The following ZNF385D variants were observed in gnomAD, a reference collection of about 807,000 sequenced individuals.
ZNF385D encodes zinc finger protein 385D.
In ZNF385D, 15 loss-of-function variants were observed where a neutral mutation model predicts 35.8. The observed-to-expected ratio is 0.42, with a 90% CI of 0.28 to 0.64. The LOEUF (loss-of-function observed/expected upper bound fraction) is 0.64. Among genes scored for constraint, ZNF385D ranks in the 30% least tolerant of loss-of-function variants. ZNF385D has a pLI of 0.23. For synonymous variants in ZNF385D, 212 were observed against 186.8 expected (o/e 1.13, Z -1.10); for missense variants, 474 against 494.6 (o/e 0.96, Z 0.39).
At chr3:21,644,344 C>T (rs1414581863) in intron 2 of ZNF385D, among the ~76,000 whole-genome samples, 1 of 152,106 alleles carries the variant, frequency 6.6e-6, no homozygotes, top group African/African-American at 2.4e-5. Flanking sequence ...GAGACTCTCC[C>T]CATAGCTCAG....
At chr3:21,608,023 G>GTTTTTTTTTTGGTTTTTTT (rs2064545249) in intron 2 of ZNF385D, among the ~76,000 whole-genome samples, 12 of 120,238 alleles carry the variant, frequency 1.0e-4, no homozygotes, top group East Asian at 2.6e-4. Context: ...TTTTTTTTTT[G>GTTTTTTTTTTGGTTTTTTT]TTTTTTTTTT....
intron 2 of ZNF385D, among the ~76,000 whole-genome samples, chr3:22,234,535 C>T (rs981673350): frequency 2.6e-5 from 4 of 151,880 alleles, no homozygotes; most frequent in Non-Finnish European, 5.9e-5. Context: ...GACTGAAAAG[C>T]ATCCCACCAT....
At chr3:22,096,127 A>AAT (rs1553606904) in intron 3 of ZNF385D, among the ~76,000 whole-genome samples, 5 of 151,750 alleles carry the variant, frequency 3.3e-5, no homozygotes, top group South Asian at 2.1e-4. Context: ...AGGTAAAAAA[A>AAT]ATATATATAC....
intron 3 of ZNF385D, among the ~76,000 whole-genome samples, chr3:21,532,003 G>A: frequency 6.6e-6 from 1 of 152,122 alleles, no homozygotes; most frequent in East Asian, 1.9e-4. Flanking sequence ...AGGTAAATGG[G>A]AAATCTCTGT....
At chr3:22,297,873 G>A (rs1292701117) in intron 2 of ZNF385D, among the ~76,000 whole-genome samples, 2 of 151,970 alleles carry the variant, frequency 1.3e-5, no homozygotes, top group Non-Finnish European at 2.9e-5. Flanking sequence ...AACGTACAAC[G>A]CGTATTTTCA....
At chr3:21,839,251 C>T in intron 3 of ZNF385D, among the ~76,000 whole-genome samples, 1 of 152,066 alleles carries the variant, frequency 6.6e-6, no homozygotes, top group Admixed American at 6.6e-5. Context: ...TTTTTAACAA[C>T]CAGTTAATCA....
chr3:22,071,755 C>A (rs1559346881), intron 3 of ZNF385D, among the ~76,000 whole-genome samples: 1 of 152,060 alleles, frequency 6.6e-6, no homozygotes, highest in Non-Finnish European at 1.5e-5. Context: ...TCTATGGACA[C>A]CAACAAGATT....
chr3:21,872,696 G>C (rs1421040094), intron 3 of ZNF385D, among the ~76,000 whole-genome samples: 1 of 152,076 alleles, frequency 6.6e-6, no homozygotes, highest in Admixed American at 6.6e-5. Flanking sequence ...AAGAAATAGA[G>C]TTTGCTGAGC....
At chr3:22,256,716 G>A (rs140310441) in intron 2 of ZNF385D, among the ~76,000 whole-genome samples, 3 of 151,776 alleles carry the variant, frequency 2.0e-5, no homozygotes, top group Non-Finnish European at 2.9e-5. Context: ...AAATTTTCAG[G>A]TGCCATCTTT....
chr3:22,306,432 T>G (rs572060427), intron 2 of ZNF385D, among the ~76,000 whole-genome samples: 53 of 152,242 alleles, frequency 3.5e-4, no homozygotes, highest in African/African-American at 1.2e-3. Context: ...TCTTATTTAC[T>G]GAAGCTGGTC....
intron 7 of ZNF385D, 31 bp from the exon 8 acceptor site, chr3:21,421,478 AC>A: frequency 6.4e-7 from 1 of 1,562,024 alleles, no homozygotes; most frequent in Admixed American, 1.7e-5. Context: ...TGTAAAAAAA[AC>A]AACAGTTTTG....
intron 2 of ZNF385D, among the ~76,000 whole-genome samples, chr3:22,187,607 A>C (rs2125789101): frequency 6.6e-6 from 1 of 152,276 alleles, no homozygotes; most frequent in South Asian, 2.1e-4. Context: ...CAAAGTTCTC[A>C]TGAGGAATAC....
rs147848969 is a variant in ZNF385D, at chr3:21,838,669, A to G, written c.326-173641T>C. ...AGCAAACTGGCCTTATCCATCTATG[A>G]TGCTCAAATGAGCCCTAGCTAGAAA... On this transcript the variant is annotated intron_variant, in intron 3 of 5. Transcript: ENST00000494108. 1.5e-3 allele frequency among the ~76,000 whole-genome samples: 225 copies of G among 152,194 alleles called. 1 individual carries two copies. Among genetic ancestry groups the G allele is most frequent in the African/African-American group, 5.1e-3 (214 of 41,568 alleles).
rs1284507741 is a variant in ZNF385D, at chr3:22,017,351, C to G, written c.325+151466G>C. Among the ~76,000 whole-genome samples, 3 of 151,896 alleles carry G rather than the reference C, an allele frequency of 2.0e-5. No individual in the cohort carries two copies. In the East Asian group the frequency reaches 5.8e-4, roughly 29 times the overall value. ...TTTATTTTATATTAGCAATGCTATA[C>G]CACTGTTCTTTCGGTTCGTAGATCT... is the stretch of plus-strand genomic sequence containing the variant. On this transcript the variant is annotated intron_variant, in intron 3 of 5. Coordinates refer to the ZNF385D transcript ENST00000494108.
chr3:21,660,148 T>G (rs1459861127), intron 2 of ZNF385D, among the ~76,000 whole-genome samples: 2 of 152,070 alleles, frequency 1.3e-5, no homozygotes, highest in African/African-American at 4.8e-5. Flanking sequence ...CCCCACCTCC[T>G]CTCTTTGCTC....
intron 3 of ZNF385D, among the ~76,000 whole-genome samples, chr3:22,047,206 G>A (rs1434886244): frequency 6.6e-6 from 1 of 152,082 alleles, no homozygotes; most frequent in Non-Finnish European, 1.5e-5. Context: ...GCTAATTTAT[G>A]CATTAGTTTG....
At chr3:22,236,203 TACAGAA>T in intron 2 of ZNF385D, among the ~76,000 whole-genome samples, 1 of 152,326 alleles carries the variant, frequency 6.6e-6, no homozygotes, top group Admixed American at 6.5e-5. Flanking sequence ...TATATGTATG[TACAGAA>T]ACATGTATAT....
At chr3:22,074,268 A>C (rs1700363723) in intron 3 of ZNF385D, among the ~76,000 whole-genome samples, 1 of 152,028 alleles carries the variant, frequency 6.6e-6, no homozygotes, top group Admixed American at 6.6e-5. Flanking sequence ...AGCTGGAGTG[A>C]AGACATTGAT....
At position 21,750,989 on chromosome 3, in the gene ZNF385D, A is replaced by C; in HGVS notation, c.-73T>G. On this transcript the variant is annotated 5_prime_UTR_variant, in exon 1 of 8. Coordinates refer to ENST00000281523, the MANE Select transcript of ZNF385D (RefSeq NM_024697.3). ...CACCCAAGGCTGGCACGTAGAGCAGAGCCCTTTCATGCTACATTCGGTGGA... is the reference window on the plus strand; with the variant it reads ...CACCCAAGGCTGGCACGTAGAGCAGCGCCCTTTCATGCTACATTCGGTGGA... The C allele has an allele frequency of 1.9e-6, 3 of 1,612,756 alleles. No individual in the cohort carries two copies. The highest frequency in any genetic ancestry group is 3.3e-5 in the Admixed American group (2 of 59,942).
Sources: allele counts gnomAD v4.1 joint callset (sites outside exome capture counted in the v4.1 genomes callset), GRCh38; gene constraint gnomAD v4.1.1; transcripts MANE v1.5; gene names NCBI Gene and HGNC (gene_info 2026-07-23, HGNC 2026-07-21).